Variants in LRP1B observed in about 807,000 individuals in gnomAD.
LRP1B encodes the protein LDL receptor related protein 1B, also known as low-density lipoprotein receptor-related protein 1B.
LRP1B carries 217 observed loss-of-function variants against 556.6 expected under a neutral mutation model. The observed-to-expected ratio is 0.39, with a 90% confidence interval of 0.35 to 0.44. The LOEUF is 0.44. LRP1B is among the 20% of genes least tolerant of loss of function. The probability of loss-of-function intolerance (pLI) is 1.00; values close to 1 mark genes in which losing one functional copy is unlikely to be tolerated. For synonymous variants in LRP1B, 2,047 were observed against 1,865.8 expected, an observed-to-expected ratio of 1.10 and a Z score of -2.50; for missense variants, 5,053 against 5,620.8, an observed-to-expected ratio of 0.90 and a Z score of 3.23.
intron 2 of LRP1B, among the ~76,000 whole-genome samples, chr2:141,516,007 C>T (rs937699362): frequency 6.6e-6 from 1 of 152,072 alleles, no homozygotes; most frequent in Admixed American, 6.5e-5. Flanking sequence ...TAAATCAAGG[C>T]TTTGTTAATA....
At chr2:140,516,614 T>C (rs962907230) in intron 50 of LRP1B, among the ~76,000 whole-genome samples, 1 of 152,100 alleles carries the variant, frequency 6.6e-6, no homozygotes, top group African/African-American at 2.4e-5. Context: ...TAAGAAAAGG[T>C]ATAACTTTAT....
chr2:141,316,677 G>A (rs747637893), intron 3 of LRP1B, among the ~76,000 whole-genome samples: 4 of 152,186 alleles, frequency 2.6e-5, no homozygotes, highest in Non-Finnish European at 5.9e-5. Context: ...AAGAAAGAGA[G>A]GGAAATGAGC....
At chr2:141,471,268 A>ATGTTTTTTTTT (rs1553518973) in intron 3 of LRP1B, among the ~76,000 whole-genome samples, 145 of 31,824 alleles carry the variant, frequency 4.6e-3, no homozygotes, top group Non-Finnish European at 5.5e-3. Context: ...ATACCCTGGT[A>ATGTTTTTTTTT]TTTTTTTTTT....
intron 1 of LRP1B, among the ~76,000 whole-genome samples, chr2:142,035,996 A>G (rs1488370972): frequency 6.6e-6 from 1 of 151,636 alleles, no homozygotes; most frequent in Non-Finnish European, 1.5e-5. Context: ...CCACCATGTA[A>G]GAAGTGCTTT....
intron 49 of LRP1B, among the ~76,000 whole-genome samples, chr2:140,523,930 A>C (rs1690303161): frequency 6.6e-6 from 1 of 151,940 alleles, no homozygotes; most frequent in African/African-American, 2.4e-5. Context: ...TTTATGACTA[A>C]GTCCTCAAAA....
intron 71 of LRP1B, among the ~76,000 whole-genome samples, chr2:140,365,768 C>CATAA (rs1558832251): frequency 6.6e-6 from 1 of 151,520 alleles, no homozygotes; most frequent in Non-Finnish European, 1.5e-5. Flanking sequence ...CTCATGTATA[C>CATAA]GTAAGAGATA....
intron 1 of LRP1B, among the ~76,000 whole-genome samples, chr2:142,093,998 C>G (rs1354844324): frequency 6.6e-6 from 1 of 151,952 alleles, no homozygotes; most frequent in African/African-American, 2.4e-5. Context: ...ATTCCAAGAT[C>G]AAGGTGCCAG....
intron 66 of LRP1B, among the ~76,000 whole-genome samples, chr2:140,389,633 G>A (rs1446161076): frequency 6.7e-6 from 1 of 149,732 alleles, no homozygotes; most frequent in African/African-American, 2.4e-5. Context: ...TAATGCCTAA[G>A]AAATGCAGAT....
At chr2:141,613,870 C>G (rs1287783771) in intron 2 of LRP1B, among the ~76,000 whole-genome samples, 1 of 151,790 alleles carries the variant, frequency 6.6e-6, no homozygotes, top group Non-Finnish European at 1.5e-5. Context: ...GTCGGGAGTT[C>G]AAGACCAGCC....
At chr2:141,479,379 G>C (rs989108852) in intron 3 of LRP1B, among the ~76,000 whole-genome samples, 1 of 152,084 alleles carries the variant, frequency 6.6e-6, no homozygotes, top group African/African-American at 2.4e-5. Flanking sequence ...CATATTTGGA[G>C]CTCCTCCCGA....
chr2:140,902,831 C>A, intron 23 of LRP1B, 89 bp downstream of exon 23: 1 of 1,369,606 alleles, frequency 7.3e-7, no homozygotes, highest in Non-Finnish European at 1.0e-6. Context: ...GAGTTGAATC[C>A]TTTCATTAAT....
At chr2:141,497,150 T>C (rs1370442094) in intron 2 of LRP1B, among the ~76,000 whole-genome samples, 1 of 152,072 alleles carries the variant, frequency 6.6e-6, no homozygotes, top group African/African-American at 2.4e-5. Context: ...AATATATAAA[T>C]GCACACACAG....
At chr2:141,468,184 A>G (rs553883445) in intron 3 of LRP1B, among the ~76,000 whole-genome samples, 1 of 152,306 alleles carries the variant, frequency 6.6e-6, no homozygotes, top group South Asian at 2.1e-4. Context: ...GGTTCTGCAC[A>G]TTCTGTTTTG....
At chr2:140,972,107 G>A (rs1425266866) in intron 18 of LRP1B, among the ~76,000 whole-genome samples, 1 of 152,096 alleles carries the variant, frequency 6.6e-6, no homozygotes, top group Non-Finnish European at 1.5e-5. Context: ...CTGCAGACTG[G>A]GCTTTGTTAG....
chr2:141,679,958 A>T (rs1691044966), intron 2 of LRP1B, among the ~76,000 whole-genome samples: 1 of 151,734 alleles, frequency 6.6e-6, no homozygotes, highest in Admixed American at 6.6e-5. Context: ...ATCTATCTTA[A>T]GATAATAGTC....
rs144563015 is a variant in LRP1B, at chr2:140,855,608, G to C, written c.4580-3825C>G. Among the ~76,000 whole-genome samples the C allele has an allele frequency of 4.7e-3, 705 of 151,604 alleles. 5 individuals are homozygous for C. Among genetic ancestry groups the C allele is most frequent in the African/African-American group, 0.016 (652 of 41,320 alleles). On this transcript the variant is annotated intron_variant, in intron 27 of 90. Transcript: ENST00000389484. ...CAGCACTAGTCAGACTGGTTTCCCT[G>C]CTACTACCATTTACCCTCCAGCTCT... is the stretch of plus-strand genomic sequence containing the variant.
At chr2:140,990,394 A>T (rs960487202) in intron 16 of LRP1B, among the ~76,000 whole-genome samples, 1 of 152,054 alleles carries the variant, frequency 6.6e-6, no homozygotes, top group African/African-American at 2.4e-5. Flanking sequence ...CCACATAAAC[A>T]TTCAAATATT....
At position 142,067,701 on chromosome 2, in the gene LRP1B, C is replaced by T. The variant is rs151209792; in HGVS notation, c.82+62947G>A. Among the ~76,000 whole-genome samples, 41 of 151,562 alleles carry T rather than the reference C, an allele frequency of 2.7e-4. No individual in the cohort carries two copies. The East Asian group carries it at 5.1e-3, about 19-fold the overall frequency. On this transcript the variant is annotated intron_variant, in intron 1 of 90. Coordinates refer to ENST00000389484, the MANE Select transcript of LRP1B (RefSeq NM_018557.3). Reference sequence around the variant, plus strand: ...GAAATAATCCCAAATATGAAAAGAACAGGGTATCTCTGACTTATAACTTTT... The same window carrying T: ...GAAATAATCCCAAATATGAAAAGAATAGGGTATCTCTGACTTATAACTTTT...
chr2:140,847,773 AAAAG>A (rs1357744732), intron 29 of LRP1B, among the ~76,000 whole-genome samples: 57 of 77,016 alleles, frequency 7.4e-4, no homozygotes, highest in Admixed American at 7.6e-4. Flanking sequence ...TAAAAAAAAA[AAAAG>A]AAGAAAGAAA....
Sources: allele counts gnomAD v4.1 joint callset (sites outside exome capture counted in the v4.1 genomes callset), GRCh38; gene constraint gnomAD v4.1.1; transcripts MANE v1.5; gene names NCBI Gene and HGNC (gene_info 2026-07-23, HGNC 2026-07-21).